Variants in ERP44 observed in about 807,000 individuals in gnomAD.
ERP44 encodes the protein endoplasmic reticulum resident protein 44.
ERP44 carries 25 observed loss-of-function variants against 53.4 expected under a neutral mutation model. The ratio of observed to expected loss-of-function variants is 0.47; its 90% CI spans 0.34 to 0.65. The LOEUF is 0.65. ERP44 is among the 30% of genes least tolerant of loss of function. The pLI is 0.01. For synonymous variants in ERP44, 145 were observed against 161.2 expected, an observed-to-expected ratio of 0.90 and a Z score of 0.76; for missense variants, 338 against 493.2, an observed-to-expected ratio of 0.69 and a Z score of 2.98.
chr9:100,073,035 CT>C (rs1488905133), intron 1 of ERP44, among the ~76,000 whole-genome samples: 1 of 152,118 alleles, frequency 6.6e-6, no homozygotes, highest in African/African-American at 2.4e-5. Context: ...TATATGCTGC[CT>C]TTGGGCTTTA....
intron 4 of ERP44, among the ~76,000 whole-genome samples, chr9:100,029,482 C>T (rs145390278): frequency 2.0e-4 from 31 of 152,214 alleles, no homozygotes; most frequent in African/African-American, 7.2e-4. Context: ...ATCATTTCAC[C>T]CCAGTTAGAA....
At chr9:100,033,112 A>G (rs930842594) in intron 4 of ERP44, among the ~76,000 whole-genome samples, 1 of 152,244 alleles carries the variant, frequency 6.6e-6, no homozygotes, top group Non-Finnish European at 1.5e-5. Context: ...CAGAATTTGG[A>G]AACTATTTGT....
chr9:100,088,006 C>T (rs1441528885), intron 1 of ERP44, among the ~76,000 whole-genome samples: 2 of 150,290 alleles, frequency 1.3e-5, no homozygotes, highest in African/African-American at 4.9e-5. Flanking sequence ...GTTACTACAA[C>T]AGTATTTTTC....
rs982617306 is a variant in ERP44 at position 100,061,546 on chromosome 9, G to A, written c.58-1374C>T. The stretch of plus-strand genomic sequence containing the variant: ...TAGAAACGTATATATTTATAGAAAC[G>A]TATATATTTATAGAAACGTATATAT... On this transcript the variant is annotated intron_variant, in intron 1 of 11. Coordinates refer to ENST00000262455, the MANE Select transcript of ERP44 (RefSeq NM_015051.3). Among the ~76,000 whole-genome samples the A allele has an allele frequency of 7.6e-5, 11 of 145,292 alleles. No individual in the cohort carries two copies. The South Asian group carries it at 1.7e-3, about 23-fold the overall frequency.
intron 3 of ERP44, among the ~76,000 whole-genome samples, chr9:100,053,343 C>A (rs1450930233): frequency 6.6e-6 from 1 of 152,078 alleles, no homozygotes; most frequent in Non-Finnish European, 1.5e-5. Flanking sequence ...AGGCACAAAC[C>A]CCCACAATAT....
At chr9:100,083,944 C>T (rs899723262) in intron 1 of ERP44, among the ~76,000 whole-genome samples, 19 of 152,102 alleles carry the variant, frequency 1.2e-4, no homozygotes, top group African/African-American at 4.1e-4. Context: ...ATATTTTTCC[C>T]TTTTCCACCC....
intron 11 of ERP44, among the ~76,000 whole-genome samples, chr9:99,984,754 C>T (rs940796772): frequency 6.6e-6 from 1 of 152,292 alleles, no homozygotes; most frequent in Non-Finnish European, 1.5e-5. Flanking sequence ...CACTTTTATA[C>T]AATCAAGAAA....
rs1826440228 is a variant in ERP44, at chr9:100,082,727, C to T, written c.57+16057G>A. On this transcript the variant is annotated intron_variant, in intron 1 of 11. Coordinates refer to ENST00000262455, the MANE Select transcript of ERP44 (RefSeq NM_015051.3). ...TCTGCATTTGGCTGTGGACGTGAAA[C>T]TTGCCAGATATGGAGGGCCTACTGT... Among the ~76,000 whole-genome samples, 3 of 146,310 alleles carry T rather than the reference C, an allele frequency of 2.1e-5. No homozygotes were observed. The South Asian group carries it at 6.7e-4, about 33-fold the overall frequency.
Position 99,982,470 on chromosome 9 carries a change from G to C in ERP44, c.*142C>G, listed in dbSNP as rs1012623504. ...AAATGACAATGCATTTTGAGTCGGGGAGAAAAAAATTAAAAACCCAAAATT... is the reference window on the plus strand; with the variant it reads ...AAATGACAATGCATTTTGAGTCGGGCAGAAAAAAATTAAAAACCCAAAATT... On this transcript the variant is annotated 3_prime_UTR_variant, in exon 12 of 12. Transcript: ENST00000262455. 16 of 372,124 alleles carry C rather than the reference G, an allele frequency of 4.3e-5. No homozygotes were observed. Among genetic ancestry groups the C allele is most frequent in the Non-Finnish European group, 6.1e-5 (13 of 211,678 alleles). 23.1% of individuals were successfully genotyped at this position (372,124 alleles called of 1,614,324 possible).
At chr9:100,000,910 C>CT (rs1316941753) in intron 10 of ERP44, among the ~76,000 whole-genome samples, 1 of 151,396 alleles carries the variant, frequency 6.6e-6, no homozygotes, top group African/African-American at 2.4e-5. Context: ...TTGGTTTGTT[C>CT]TTTTTCTAGT....
In ERP44 at chr9:100,016,450, C is replaced by CA; in HGVS notation, c.646-13dup. 6.4e-7 allele frequency: 1 copy of CA among 1,570,160 alleles called. No individual in the cohort carries two copies. On this transcript the variant is annotated splice_polypyrimidine_tract_variant and intron_variant, in intron 7 of 11. Transcript: ENST00000262455. ...TCCGGAGCAGAATGCTATTACAAAA[C>CA]AGAAAAAAAAAATTAAATCTAACCT... is the stretch of plus-strand genomic sequence containing the variant.
intron 4 of ERP44, among the ~76,000 whole-genome samples, chr9:100,039,936 C>G (rs1825884801): frequency 6.6e-6 from 1 of 152,026 alleles, no homozygotes. Context: ...CTGACACATT[C>G]CTAGACACAT....
Position 100,052,397 on chromosome 9 carries a change from C to G in ERP44, c.286+20G>C. 7.1e-7 allele frequency: 1 copy of G among 1,414,500 alleles called. No individual in the cohort carries two copies. The highest frequency in any genetic ancestry group is 9.9e-7 in the Non-Finnish European group (1 of 1,006,268). The allele number at this position is 1,414,500 out of a possible 1,614,324, so 87.6% of individuals were successfully genotyped here. On this transcript the variant is annotated intron_variant, in intron 4 of 11. Coordinates refer to ENST00000262455, the MANE Select transcript of ERP44 (RefSeq NM_015051.3). ...TTGGGATGGGACAGTCTCTTCTAGA[C>G]TTCCTATTGAGGTACTTACAGTGCT... is the stretch of plus-strand genomic sequence containing the variant.
intron 1 of ERP44, among the ~76,000 whole-genome samples, chr9:100,061,017 T>C (rs573140813): frequency 6.6e-6 from 1 of 152,336 alleles, no homozygotes; most frequent in African/African-American, 2.4e-5. Flanking sequence ...ACTATTCCTT[T>C]GCCCACCCAT....
intron 1 of ERP44, among the ~76,000 whole-genome samples, chr9:100,080,057 T>C (rs1564105197): frequency 6.6e-6 from 1 of 152,124 alleles, no homozygotes; most frequent in South Asian, 2.1e-4. Flanking sequence ...TCAATCCCCA[T>C]ATTAAATAAA....
intron 10 of ERP44, chr9:99,999,105 C>A (rs1323966968): frequency 1.2e-5 from 8 of 651,952 alleles, no homozygotes; most frequent in Non-Finnish European, 2.0e-5. Flanking sequence ...AGCGGCGGGG[C>A]GTGGACACGG....
At chr9:99,993,022 A>C (rs1276967377) in intron 10 of ERP44, among the ~76,000 whole-genome samples, 36 of 152,248 alleles carry the variant, frequency 2.4e-4, no homozygotes, top group Admixed American at 2.4e-3. Context: ...GAGGACGCAA[A>C]CAAATGGAAG....
At chr9:100,035,668 T>A (rs201943711) in intron 4 of ERP44, among the ~76,000 whole-genome samples, 1 of 151,692 alleles carries the variant, frequency 6.6e-6, no homozygotes, top group African/African-American at 2.4e-5. Flanking sequence ...AGACCGAAAC[T>A]CTGTCTTAAA....
At chr9:100,023,513 T>C (rs967720561) in intron 4 of ERP44, among the ~76,000 whole-genome samples, 4 of 151,600 alleles carry the variant, frequency 2.6e-5, no homozygotes, top group African/African-American at 9.7e-5. Flanking sequence ...ACCACGGCCT[T>C]AACTTCCTAG....
Sources: gnomAD v4.1 joint callset for allele counts (sites outside exome capture counted in the v4.1 genomes callset) on GRCh38, gnomAD v4.1.1 for gene constraint, MANE v1.5 for transcripts, NCBI Gene and HGNC (gene_info 2026-07-23, HGNC 2026-07-21) for gene names.